The following COL11A1 variants were observed in gnomAD, a reference collection of about 807,000 sequenced individuals.
COL11A1 encodes collagen type XI alpha 1 chain.
A neutral mutation model predicts 265.2 loss-of-function variants in COL11A1; 74 were observed. The observed-to-expected ratio is 0.28, with a 90% CI of 0.23 to 0.34. The LOEUF is 0.34. COL11A1 is among the 10% of genes least tolerant of loss of function. The pLI, the probability that COL11A1 is intolerant of heterozygous loss-of-function variation, is 1.00. For synonymous variants in COL11A1, 816 were observed against 727.6 expected (o/e 1.12, Z -1.96); for missense variants, 2,165 against 2,263.6 (o/e 0.96, Z 0.88).
intron 4 of COL11A1, among the ~76,000 whole-genome samples, chr1:103,045,132 A>G (rs1167446749): frequency 6.6e-6 from 1 of 152,134 alleles, no homozygotes; most frequent in Non-Finnish European, 1.5e-5. Flanking sequence ...TTGTGAACCA[A>G]CAATCCACAG....
intron 1 of COL11A1, chr1:103,100,103 G>A (rs1009044261): frequency 6.6e-6 from 1 of 151,924 alleles, no homozygotes; most frequent in Non-Finnish European, 1.5e-5. Flanking sequence ...ACTCCTAGAA[G>A]AAGACTGACA....
intron 4 of COL11A1, among the ~76,000 whole-genome samples, chr1:103,072,319 T>C (rs1056837485): frequency 6.6e-6 from 1 of 151,932 alleles, no homozygotes; most frequent in Non-Finnish European, 1.5e-5. Context: ...GGGCAGTGTA[T>C]ACATGAAATT....
intron 12 of COL11A1, among the ~76,000 whole-genome samples, chr1:103,014,810 A>C (rs1481519682): frequency 6.6e-6 from 1 of 152,136 alleles, no homozygotes; most frequent in African/African-American, 2.4e-5. Context: ...CATTTGTAGA[A>C]GAAGAAACTA....
At chr1:102,973,320 T>C (rs535034562) in intron 36 of COL11A1, among the ~76,000 whole-genome samples, 2 of 152,216 alleles carry the variant, frequency 1.3e-5, no homozygotes, top group African/African-American at 2.4e-5. Context: ...ACAGACAAAA[T>C]GCATGCACGA....
At chr1:102,935,011 T>G in intron 45 of COL11A1, 49 bp downstream of exon 45, 1 of 1,572,766 alleles carries the variant, frequency 6.4e-7, no homozygotes, top group Non-Finnish European at 8.7e-7. Context: ...ACAAATTTAA[T>G]CAGGGAGCTG....
intron 1 of COL11A1, among the ~76,000 whole-genome samples, chr1:103,084,848 T>C (rs944253139): frequency 6.6e-6 from 1 of 152,212 alleles, no homozygotes; most frequent in Admixed American, 6.5e-5. Context: ...GGCTCACTGA[T>C]ATAAACCAGA....
chr1:103,001,582 C>T, intron 24 of COL11A1: 1 of 460,686 alleles, frequency 2.2e-6, no homozygotes, highest in Non-Finnish European at 3.8e-6. Context: ...TCTTTTGTCA[C>T]AAGCAAACTT....
At chr1:102,910,990 G>A (rs1654605054) in intron 54 of COL11A1, among the ~76,000 whole-genome samples, 1 of 152,114 alleles carries the variant, frequency 6.6e-6, no homozygotes, top group Non-Finnish European at 1.5e-5. Context: ...AGACAGCTAT[G>A]CATCACAGTT....
intron 46 of COL11A1, 122 bp from the exon 47 acceptor site, chr1:102,923,511 A>T: frequency 1.3e-6 from 1 of 744,662 alleles, no homozygotes. Context: ...TAAGATTCAG[A>T]TACTAACATT....
chr1:103,009,737 A>G (rs1012117378), intron 14 of COL11A1, among the ~76,000 whole-genome samples: 20 of 152,218 alleles, frequency 1.3e-4, no homozygotes, highest in Non-Finnish European at 2.6e-4. Flanking sequence ...GTAGCAATTT[A>G]TAGTCTCCTG....
rs142514667 is a variant in COL11A1, at chr1:102,989,094, C to T, written c.2394+424G>A. Among the ~76,000 whole-genome samples, 128 of 151,968 alleles carry T rather than the reference C, an allele frequency of 8.4e-4. No homozygotes were observed. In the East Asian group the frequency reaches 0.019, roughly 22 times the overall value. ...TTTACATTCAAAAATTGAACACCAC[C>T]ATATAATGAAAATTCATGAAAGTTA... On this transcript the variant is annotated intron_variant, in intron 29 of 66. Transcript: ENST00000370096.
chr1:103,023,737 C>G (rs1173189404), intron 7 of COL11A1, among the ~76,000 whole-genome samples: 3 of 152,026 alleles, frequency 2.0e-5, no homozygotes, highest in African/African-American at 7.2e-5. Flanking sequence ...AAGTTTGAGT[C>G]TCATCCCATA....
intron 1 of COL11A1, among the ~76,000 whole-genome samples, chr1:103,102,979 G>A (rs1674402858): frequency 6.6e-6 from 1 of 151,942 alleles, no homozygotes; most frequent in Non-Finnish European, 1.5e-5. Context: ...TGTAATAGTT[G>A]TTGACAACAC....
intron 1 of COL11A1, among the ~76,000 whole-genome samples, chr1:103,091,010 C>A (rs1310530403): frequency 6.6e-6 from 1 of 152,112 alleles, no homozygotes; most frequent in Non-Finnish European, 1.5e-5. Flanking sequence ...CTTAAGCAAC[C>A]AAATAGATCT....
intron 4 of COL11A1, among the ~76,000 whole-genome samples, chr1:103,040,325 A>G (rs1170548211): frequency 6.6e-6 from 1 of 151,290 alleles, no homozygotes; most frequent in Non-Finnish European, 1.5e-5. Context: ...CAAAAAGTAC[A>G]TATTCTCATA....
chr1:103,072,666 T>A (rs543225459), intron 4 of COL11A1, among the ~76,000 whole-genome samples: 12 of 151,954 alleles, frequency 7.9e-5, no homozygotes, highest in African/African-American at 2.9e-4. Context: ...TGGAAATTTC[T>A]AAATTTGGAC....
rs1673364875 is a variant in COL11A1, at chr1:103,092,027, TGC to T, written c.107-9057_107-9056del. ...AATTCCAGTTTAAAACAAAATGAAC[TGC>T]ATAGTGAAATTCATAATTAGAAAGG... On this transcript the variant is annotated intron_variant, in intron 1 of 66. Transcript: ENST00000370096. Among the ~76,000 whole-genome samples, 3 of 152,098 alleles carry T rather than the reference TGC, an allele frequency of 2.0e-5. No individual in the cohort carries two copies. The South Asian group carries it at 6.2e-4, about 31-fold the overall frequency.
intron 46 of COL11A1, 129 bp from the exon 47 acceptor site, chr1:102,923,518 C>T (rs909824600): frequency 1.4e-6 from 1 of 718,200 alleles, no homozygotes; most frequent in Non-Finnish European, 2.4e-6. Context: ...CAGATACTAA[C>T]ATTTGTTAAA....
chr1:102,932,602 G>T (rs1335184659), intron 46 of COL11A1, among the ~76,000 whole-genome samples: 8 of 152,094 alleles, frequency 5.3e-5, no homozygotes, highest in African/African-American at 1.9e-4. Context: ...GTGTCTTTGT[G>T]GCATTCTCTG....
Sources: gnomAD v4.1 joint callset for allele counts (sites outside exome capture counted in the v4.1 genomes callset) on GRCh38, gnomAD v4.1.1 for gene constraint, MANE v1.5 for transcripts, NCBI Gene and HGNC (gene_info 2026-07-23, HGNC 2026-07-21) for gene names.